ERBB4: variants seen among roughly 807,000 people sequenced by gnomAD.
The protein encoded by ERBB4 is receptor tyrosine-protein kinase erbB-4.
Under a neutral mutation model 158.0 loss-of-function variants are expected in ERBB4, and 42 were observed. The observed-to-expected ratio is 0.27, with a 90% CI of 0.21 to 0.34. The LOEUF (loss-of-function observed/expected upper bound fraction) is 0.34, where lower values mean the gene tolerates loss of function less well. Among genes scored for constraint, ERBB4 ranks in the 10% least tolerant of loss-of-function variants. The pLI is 1.00. For missense variants in ERBB4, 1,333 were observed against 1,624.1 expected, an observed-to-expected ratio of 0.82 and a Z score of 3.08; for synonymous variants, 583 against 558.7, an observed-to-expected ratio of 1.04 and a Z score of -0.61.
At chr2:212,445,047 T>C (rs1256727896) in intron 1 of ERBB4, among the ~76,000 whole-genome samples, 2 of 151,952 alleles carry the variant, frequency 1.3e-5, no homozygotes, top group African/African-American at 4.8e-5. Context: ...ACTCACTTTA[T>C]AGCTAAAGAA....
rs181222356 is a variant in ERBB4 at position 211,926,078 on chromosome 2, G to A, written c.421+21352C>T. On this transcript the variant is annotated intron_variant, in intron 3 of 27. Transcript: ENST00000342788. ...AAAACAGCTGAAGGGAGGTGGTTGC[G>A]TCAGTTGGCTATAACTAGGAATGTC... 4.4e-3 allele frequency among the ~76,000 whole-genome samples: 677 copies of A among 152,258 alleles called. 4 individuals carry two copies. The highest frequency in any genetic ancestry group is 0.016 in the African/African-American group (645 of 41,560).
Position 211,562,095 on chromosome 2 carries a change from G to A in ERBB4, c.2302-7C>T, listed in dbSNP as rs769054435. 18 of 1,611,006 alleles carry A rather than the reference G, an allele frequency of 1.1e-5. No individual in the cohort carries two copies. The highest frequency in any genetic ancestry group is 1.1e-4 in the African/African-American group (8 of 74,880). ...TTGCCATGATCAGAGCTTCCTGTAA[G>A]AAAAAAATGCAATACCATGATTTCA... On this transcript the variant is annotated splice_polypyrimidine_tract_variant and splice_region_variant and intron_variant, in intron 19 of 27. Coordinates refer to ENST00000342788, the MANE Select transcript of ERBB4 (RefSeq NM_005235.3).
intron 19 of ERBB4, among the ~76,000 whole-genome samples, chr2:211,613,712 T>C (rs1292774426): frequency 2.0e-5 from 3 of 151,986 alleles, no homozygotes; most frequent in Non-Finnish European, 2.9e-5. Context: ...AAAACTACCA[T>C]GGGATATCTC....
chr2:212,245,100 A>C (rs1386610209), intron 1 of ERBB4, among the ~76,000 whole-genome samples: 1 of 152,196 alleles, frequency 6.6e-6, no homozygotes, highest in Non-Finnish European at 1.5e-5. Flanking sequence ...CTGTGCTTTA[A>C]AAACAGTGTG....
At chr2:212,083,450 C>T (rs182403066) in intron 2 of ERBB4, among the ~76,000 whole-genome samples, 1 of 151,724 alleles carries the variant, frequency 6.6e-6, no homozygotes, top group East Asian at 1.9e-4. Flanking sequence ...TACTAACATG[C>T]AAAATGGAAT....
chr2:212,100,290 AAG>A (rs1381230702), intron 2 of ERBB4, among the ~76,000 whole-genome samples: 1 of 152,212 alleles, frequency 6.6e-6, no homozygotes, highest in Non-Finnish European at 1.5e-5. Flanking sequence ...CAAGGTGATG[AAG>A]AGAGGACAGG....
chr2:211,884,361 G>A (rs1179075663), intron 3 of ERBB4, among the ~76,000 whole-genome samples: 2 of 152,096 alleles, frequency 1.3e-5, no homozygotes, highest in African/African-American at 2.4e-5. Context: ...CCAACATCCA[G>A]TTCTCCTACC....
At chr2:211,959,554 T>C (rs575674458) in intron 2 of ERBB4, among the ~76,000 whole-genome samples, 271 of 152,254 alleles carry the variant, frequency 1.8e-3, no homozygotes, top group Non-Finnish European at 3.4e-3. Context: ...CCTATGTTTG[T>C]GTGTTTGTCT....
intron 25 of ERBB4, among the ~76,000 whole-genome samples, chr2:211,397,043 A>C (rs528801468): frequency 6.6e-6 from 1 of 152,340 alleles, no homozygotes. Flanking sequence ...AGCCCAGAGC[A>C]AACACTAGTT....
chr2:212,151,493 C>T (rs963346052), intron 1 of ERBB4, among the ~76,000 whole-genome samples: 2 of 151,138 alleles, frequency 1.3e-5, no homozygotes, highest in Non-Finnish European at 2.9e-5. Flanking sequence ...TTAAACTCCC[C>T]CAAGATTTGA....
intron 1 of ERBB4, among the ~76,000 whole-genome samples, chr2:212,313,259 T>G (rs937666701): frequency 4.0e-5 from 6 of 150,852 alleles, no homozygotes; most frequent in African/African-American, 1.5e-4. Flanking sequence ...TTCCAGAGAA[T>G]ACCAACACAA....
At chr2:211,612,667 T>A (rs1222419338) in intron 19 of ERBB4, among the ~76,000 whole-genome samples, 1 of 151,944 alleles carries the variant, frequency 6.6e-6, no homozygotes, top group Non-Finnish European at 1.5e-5. Context: ...AAGCTAAGAA[T>A]CTGATATTTT....
At chr2:211,429,406 T>C (rs1330206095) in intron 21 of ERBB4, among the ~76,000 whole-genome samples, 1 of 152,138 alleles carries the variant, frequency 6.6e-6, no homozygotes, top group Non-Finnish European at 1.5e-5. Context: ...GGTTAGCCAG[T>C]ATTGAAAATA....
intron 3 of ERBB4, among the ~76,000 whole-genome samples, chr2:211,835,345 C>T (rs1394019698): frequency 1.1e-4 from 10 of 94,678 alleles, no homozygotes; most frequent in Non-Finnish European, 1.9e-4. Context: ...ATTTTTCTGC[C>T]TCCAGTATGA....
intron 1 of ERBB4, among the ~76,000 whole-genome samples, chr2:212,435,940 G>A (rs1186677496): frequency 6.6e-6 from 1 of 151,768 alleles, no homozygotes; most frequent in African/African-American, 2.4e-5. Context: ...CCTTTGGTGT[G>A]TCCCAGAAAA....
At chr2:212,303,736 C>G (rs2086705832) in intron 1 of ERBB4, among the ~76,000 whole-genome samples, 1 of 151,410 alleles carries the variant, frequency 6.6e-6, no homozygotes, top group Admixed American at 6.6e-5. Context: ...AAAATAAAGA[C>G]AAATATTTGA....
At chr2:211,563,595 C>A (rs1289620644) in intron 19 of ERBB4, among the ~76,000 whole-genome samples, 3 of 152,086 alleles carry the variant, frequency 2.0e-5, no homozygotes, top group Non-Finnish European at 4.4e-5. Context: ...TTGAGGAAAT[C>A]TAAATAGGGA....
intron 2 of ERBB4, among the ~76,000 whole-genome samples, chr2:212,003,215 A>AGACGGAC (rs2076174895): frequency 2.1e-5 from 1 of 47,278 alleles, no homozygotes; most frequent in African/African-American, 5.4e-5. Context: ...GACAGAAAGA[A>AGACGGAC]GGAAGGAAGG....
intron 1 of ERBB4, among the ~76,000 whole-genome samples, chr2:212,274,775 T>C (rs1326394206): frequency 6.6e-6 from 1 of 151,852 alleles, no homozygotes; most frequent in Non-Finnish European, 1.5e-5. Context: ...TAACTTTTTC[T>C]TAATTTTTTT....
Sources: allele counts gnomAD v4.1 joint callset (sites outside exome capture counted in the v4.1 genomes callset), GRCh38; gene constraint gnomAD v4.1.1; transcripts MANE v1.5; gene names NCBI Gene and HGNC (gene_info 2026-07-23, HGNC 2026-07-21).